Variants in SV2C observed in about 807,000 individuals in gnomAD.
SV2C encodes the protein synaptic vesicle glycoprotein 2C.
A neutral mutation model predicts 79.7 loss-of-function variants in SV2C; 49 were observed. The observed-to-expected ratio is 0.61, with a 90% CI of 0.49 to 0.78. The LOEUF is 0.78. SV2C is among the 30% of genes least tolerant of loss of function. The probability of loss-of-function intolerance (pLI) is 0.00; values close to 1 mark genes in which losing one functional copy is unlikely to be tolerated. For missense variants in SV2C, 833 were observed against 912.9 expected (o/e 0.91, Z 1.13); for synonymous variants, 334 against 333.2 (o/e 1.00, Z -0.03).
At chr5:75,927,400 A>T in the SV2C span, among the ~76,000 whole-genome samples, 1 of 152,062 alleles carries the variant, frequency 6.6e-6, no homozygotes, top group African/African-American at 2.4e-5. Context: ...CAGTCTCAGA[A>T]GGACAAATAC....
intron 4 of SV2C, among the ~76,000 whole-genome samples, chr5:76,226,217 A>C (rs1008353394): frequency 3.9e-5 from 6 of 151,966 alleles, no homozygotes; most frequent in Non-Finnish European, 8.8e-5. Flanking sequence ...GGGCAGAAGG[A>C]AAATGAGTTG....
chr5:76,340,576 A>T (rs1056553193), intron 12 of SV2C, among the ~76,000 whole-genome samples: 19 of 152,194 alleles, frequency 1.2e-4, no homozygotes, highest in Non-Finnish European at 2.5e-4. Flanking sequence ...TGCAAGGCAC[A>T]CTAATATATC....
intron 4 of SV2C, among the ~76,000 whole-genome samples, chr5:76,268,181 T>C (rs1417861501): frequency 6.6e-6 from 1 of 151,896 alleles, no homozygotes; most frequent in Non-Finnish European, 1.5e-5. Context: ...ATTTGGAAGG[T>C]AGACAGAAAG....
the SV2C span, among the ~76,000 whole-genome samples, chr5:76,015,366 C>A: frequency 1.2e-4 from 19 of 152,288 alleles, no homozygotes; most frequent in Non-Finnish European, 2.5e-4. Context: ...TAACTGCCTA[C>A]CTTAGCCTAG....
chr5:75,890,797 G>A, the SV2C span, among the ~76,000 whole-genome samples: 1 of 152,104 alleles, frequency 6.6e-6, no homozygotes, highest in Admixed American at 6.6e-5. Flanking sequence ...GGCCTGCAGT[G>A]GAGGTGGGTG....
At chr5:75,984,567 A>ATCTATCTATCTATCTATC in the SV2C span, among the ~76,000 whole-genome samples, 6 of 102,826 alleles carry the variant, frequency 5.8e-5, no homozygotes, top group South Asian at 2.7e-4. Flanking sequence ...CTATCTATCT[A>ATCTATCTATCTATCTATC]TATCTATCTA....
At chr5:75,982,224 TA>T in the SV2C span, among the ~76,000 whole-genome samples, 1 of 95,518 alleles carries the variant, frequency 1.0e-5, no homozygotes, top group Admixed American at 9.1e-5. Flanking sequence ...AAAACTTAAT[TA>T]AAAAAATAAA....
chr5:76,123,565 G>C (rs2112167639), intron 1 of SV2C, among the ~76,000 whole-genome samples: 1 of 152,318 alleles, frequency 6.6e-6, no homozygotes, highest in African/African-American at 2.4e-5. Flanking sequence ...ATACAAGCCT[G>C]TTTCAATATA....
At chr5:75,906,253 T>C in the SV2C span, among the ~76,000 whole-genome samples, 2 of 152,158 alleles carry the variant, frequency 1.3e-5, no homozygotes, top group Admixed American at 1.3e-4. Flanking sequence ...TGTGAGAGAA[T>C]ACATTCCTGC....
chr5:76,302,502 T>C (rs1303802385), intron 12 of SV2C, among the ~76,000 whole-genome samples: 3 of 150,678 alleles, frequency 2.0e-5, no homozygotes, highest in African/African-American at 7.3e-5. Context: ...TGGCGGCGGG[T>C]GCCTGTAATC....
the SV2C span, among the ~76,000 whole-genome samples, chr5:75,986,862 C>T: frequency 6.6e-6 from 1 of 151,958 alleles, no homozygotes; most frequent in Non-Finnish European, 1.5e-5. Context: ...ATACTGTCTC[C>T]CTTTGAGGCA....
At chr5:76,246,300 C>G (rs1034635154) in intron 4 of SV2C, among the ~76,000 whole-genome samples, 14 of 152,074 alleles carry the variant, frequency 9.2e-5, no homozygotes, top group Non-Finnish European at 1.6e-4. Context: ...ACTAAGAAAC[C>G]AGGATGCAAG....
At chr5:76,078,998 G>A (rs540987472), upstream of SV2C, 19 of 455,384 alleles carry the variant, frequency 4.2e-5, no homozygotes, top group African/African-American at 1.6e-4. Flanking sequence ...CTGGTGAAGC[G>A]ATTACCACCT....
intron 4 of SV2C, among the ~76,000 whole-genome samples, chr5:76,257,893 T>G (rs1165618402): frequency 6.8e-6 from 1 of 146,702 alleles, no homozygotes; most frequent in Non-Finnish European, 1.5e-5. Flanking sequence ...TGAACATGTG[T>G]GGTGTGATAT....
chr5:75,871,310 A>G, the SV2C span, among the ~76,000 whole-genome samples: 7 of 152,228 alleles, frequency 4.6e-5, no homozygotes, highest in African/African-American at 1.4e-4. Context: ...AAGGACTGCA[A>G]TCAATGAGAA....
intron 4 of SV2C, among the ~76,000 whole-genome samples, chr5:76,247,630 C>T (rs950196346): frequency 2.0e-5 from 3 of 152,138 alleles, no homozygotes; most frequent in East Asian, 1.9e-4. Flanking sequence ...ATATCAAATG[C>T]CAAGGGGAGG....
the SV2C span, among the ~76,000 whole-genome samples, chr5:75,862,577 T>G: frequency 4.6e-5 from 7 of 152,316 alleles, no homozygotes; most frequent in Non-Finnish European, 8.8e-5. Context: ...GCATTTTTCA[T>G]GCAGTCTGAA....
Position 76,134,198 on chromosome 5 carries a change from A to G in SV2C, c.580+1868A>G, listed in dbSNP as rs147041698. ...GGAGCACAGATATTCTCATCTGCCC[A>G]TAAATGTTGCCTGCTTTAGTGAATT... On this transcript the variant is annotated intron_variant, in intron 2 of 12. Coordinates refer to ENST00000502798, the MANE Select transcript of SV2C (RefSeq NM_014979.4). 1.6e-4 allele frequency among the ~76,000 whole-genome samples: 25 copies of G among 152,338 alleles called. No individual in the cohort carries two copies. In the East Asian group the frequency reaches 4.6e-3, roughly 28 times the overall value.
At chr5:75,957,998 C>T in the SV2C span, among the ~76,000 whole-genome samples, 8 of 151,954 alleles carry the variant, frequency 5.3e-5, no homozygotes, top group African/African-American at 1.9e-4. Flanking sequence ...TCAGTGGGTG[C>T]CCCCAACAGA....
Sources: gnomAD v4.1 joint callset for allele counts (sites outside exome capture counted in the v4.1 genomes callset) on GRCh38, gnomAD v4.1.1 for gene constraint, MANE v1.5 for transcripts, NCBI Gene and HGNC (gene_info 2026-07-23, HGNC 2026-07-21) for gene names.